Variants in CFAP20DC observed in about 807,000 individuals in gnomAD.
The protein encoded by CFAP20DC is protein CFAP20DC.
A neutral mutation model predicts 101.7 loss-of-function variants in CFAP20DC; 84 were observed. The observed-to-expected ratio is 0.83, with a 90% CI of 0.69 to 0.99. The LOEUF (loss-of-function observed/expected upper bound fraction) is 0.99. Ranked by LOEUF, CFAP20DC falls within the 50% of genes least tolerant of loss-of-function variation. The probability of loss-of-function intolerance (pLI) is 0.00; values close to 1 mark genes in which losing one functional copy is unlikely to be tolerated. For synonymous variants in CFAP20DC, 359 were observed against 351.2 expected, an observed-to-expected ratio of 1.02 and a Z score of -0.25; for missense variants, 1,007 against 970.3, an observed-to-expected ratio of 1.04 and a Z score of -0.50.
At chr3:58,905,767 T>A (rs899147393) in intron 6 of CFAP20DC, among the ~76,000 whole-genome samples, 3 of 152,302 alleles carry the variant, frequency 2.0e-5, no homozygotes, top group South Asian at 4.1e-4. Flanking sequence ...AAGCTTCCTA[T>A]GAAAAAGTTC....
intron 1 of CFAP20DC, among the ~76,000 whole-genome samples, chr3:59,048,967 C>G (rs1306045178): frequency 1.3e-5 from 2 of 152,100 alleles, no homozygotes; most frequent in African/African-American, 4.8e-5. Context: ...TCCTTGGACC[C>G]CCTGCATAGG....
chr3:58,815,945 A>T (rs1372294799), intron 14 of CFAP20DC, among the ~76,000 whole-genome samples: 1 of 151,658 alleles, frequency 6.6e-6, no homozygotes, highest in African/African-American at 2.4e-5. Flanking sequence ...TGTGGAAGTC[A>T]GTGTGGCGAC....
chr3:58,886,883 A>G (rs1304914493), intron 6 of CFAP20DC, among the ~76,000 whole-genome samples: 7 of 152,160 alleles, frequency 4.6e-5, no homozygotes, highest in African/African-American at 1.7e-4. Flanking sequence ...CTGTTTTTAG[A>G]ATGTAGTGGG....
chr3:58,826,872 G>A (rs1269557848), intron 14 of CFAP20DC, among the ~76,000 whole-genome samples: 1 of 152,136 alleles, frequency 6.6e-6, no homozygotes, highest in Non-Finnish European at 1.5e-5. Flanking sequence ...GACCCAGAGA[G>A]GGAAGCGAAT....
chr3:58,721,243 C>T lies in CFAP20DC; in HGVS notation c.198-3615G>A, dbSNP rs978024886. On this transcript the variant is annotated intron_variant, in intron 3 of 3. Transcript: ENST00000486145. This position sits in a 1 kb window ranked among gnomAD's most constrained non-coding sequence, Gnocchi z 5.2. The stretch of plus-strand genomic sequence containing the variant: ...TACTCAATCACTATATAAATATGTT[C>T]CAACACGTTTATTAAACACCTTATC... Among the ~76,000 whole-genome samples, 2 of 152,148 alleles carry T rather than the reference C, an allele frequency of 1.3e-5. No homozygotes were observed. The highest frequency in any genetic ancestry group is 2.9e-5 in the Non-Finnish European group (2 of 68,034).
chr3:58,718,474 T>C (rs2067426405), intron 3 of CFAP20DC, among the ~76,000 whole-genome samples: 1 of 152,190 alleles, frequency 6.6e-6, no homozygotes, highest in Middle Eastern at 3.2e-3. Flanking sequence ...CCAGTCTGTA[T>C]CCTCTGTCCA....
At chr3:58,931,084 G>T (rs1013139099) in intron 5 of CFAP20DC, among the ~76,000 whole-genome samples, 1 of 152,144 alleles carries the variant, frequency 6.6e-6, no homozygotes, top group African/African-American at 2.4e-5. Context: ...GCGCTTTTCC[G>T]ATGGGGCTTA....
Position 58,868,293 on chromosome 3 carries a change from C to T in CFAP20DC, c.1016-357G>A, listed in dbSNP as rs548570941. Reference sequence around the variant, plus strand: ...CTTCTTCCTTTAAAAGAGGAAGTGTCGATAACTATACTTTCAACAAGAGCA... The same window carrying T: ...CTTCTTCCTTTAAAAGAGGAAGTGTTGATAACTATACTTTCAACAAGAGCA... On this transcript the variant is annotated intron_variant, in intron 9 of 16. Transcript: ENST00000482387. This position sits in a 1 kb window ranked among gnomAD's most constrained non-coding sequence, Gnocchi z 4.6. Among the ~76,000 whole-genome samples, 2 of 152,192 alleles carry T rather than the reference C, an allele frequency of 1.3e-5. No individual in the cohort carries two copies. The highest frequency in any genetic ancestry group is 2.1e-4 in the South Asian group (1 of 4,816).
At chr3:58,769,531 T>C (rs914915706) in intron 15 of CFAP20DC, among the ~76,000 whole-genome samples, 1 of 152,084 alleles carries the variant, frequency 6.6e-6, no homozygotes, top group African/African-American at 2.4e-5. Context: ...GACATATAGA[T>C]GAGAGCAAAA....
At chr3:58,769,470 T>C (rs1443136410) in intron 15 of CFAP20DC, among the ~76,000 whole-genome samples, 1 of 152,112 alleles carries the variant, frequency 6.6e-6, no homozygotes, top group African/African-American at 2.4e-5. Flanking sequence ...GAATTCTCAA[T>C]AAATGTTTGC....
Position 58,971,243 on chromosome 3 carries a change from A to T in CFAP20DC, c.279-33481T>A, listed in dbSNP as rs1488678402. On this transcript the variant is annotated intron_variant, in intron 4 of 16. Transcript: ENST00000482387. The surrounding 1 kb of genome is among the most constrained non-coding windows in gnomAD (Gnocchi z 4.1). ...GGCACTGAAAGTACGTTTTTCACAA[A>T]TCACAAATCAGTTAAGGATTCACAA... Among the ~76,000 whole-genome samples, 2 of 152,202 alleles carry T rather than the reference A, an allele frequency of 1.3e-5. No homozygotes were observed. Among genetic ancestry groups the T allele is most frequent in the Non-Finnish European group, 2.9e-5 (2 of 68,032 alleles).
At chr3:58,806,359 T>A (rs1212664140) in intron 15 of CFAP20DC, 36 bp downstream of exon 15, 1 of 1,393,378 alleles carries the variant, frequency 7.2e-7, no homozygotes, top group Non-Finnish European at 1.0e-6. Context: ...ACTAAGTTTT[T>A]TTTTTTCTTA....
intron 4 of CFAP20DC, among the ~76,000 whole-genome samples, chr3:59,025,503 CTT>C (rs1013181208): frequency 1.3e-5 from 2 of 152,222 alleles, no homozygotes; most frequent in African/African-American, 2.4e-5. Flanking sequence ...GAATATAAAA[CTT>C]ATAAATTAAA....
intron 15 of CFAP20DC, among the ~76,000 whole-genome samples, chr3:58,763,739 T>C (rs2069930818): frequency 6.6e-6 from 1 of 152,214 alleles, no homozygotes; most frequent in African/African-American, 2.4e-5. Context: ...TTTCTGTTTG[T>C]TAGTTTTCCT....
At chr3:58,905,375 T>C (rs2083494854) in intron 6 of CFAP20DC, among the ~76,000 whole-genome samples, 2 of 152,340 alleles carry the variant, frequency 1.3e-5, no homozygotes, top group East Asian at 1.9e-4. Context: ...CAGAATGATA[T>C]GAGTTAATCA....
intron 3 of CFAP20DC, among the ~76,000 whole-genome samples, chr3:59,043,515 G>A (rs1235149963): frequency 6.6e-6 from 1 of 151,626 alleles, no homozygotes; most frequent in East Asian, 1.9e-4. Flanking sequence ...ACTAAAGTGG[G>A]GGCTTGAGGA....
intron 5 of CFAP20DC, among the ~76,000 whole-genome samples, chr3:58,933,991 T>C (rs1281532360): frequency 1.3e-5 from 2 of 152,096 alleles, no homozygotes; most frequent in African/African-American, 2.4e-5. Context: ...GAGCTGGTTT[T>C]TTGAAAGGAT....
At chr3:58,815,372 G>T (rs1407253157) in intron 14 of CFAP20DC, among the ~76,000 whole-genome samples, 7 of 147,160 alleles carry the variant, frequency 4.8e-5, no homozygotes, top group Middle Eastern at 3.4e-3. Flanking sequence ...ATGGATTAAA[G>T]ACTTAAACGT....
Position 58,884,622 on chromosome 3 carries a change from G to A in CFAP20DC, c.638C>T (p.Thr213Ile). The change falls in exon 7 of 17, where the codon ACA (threonine) becomes ATA (isoleucine). Residue 213 changes from threonine (T) to isoleucine (I), a missense_variant. Thr to Ile is a moderately conservative substitution (Grantham distance 89). Coordinates refer to ENST00000482387, the MANE Select transcript of CFAP20DC (RefSeq NM_001394063.1). ...CQLMTDVPHV[T>I]QLLNMTKLRQ... Reference sequence around the variant, plus strand: ...AAGTTTAGTCATGTTTAGCAGCTGTGTGACATGTGGAACATCTGTCATTAG... The same window carrying A: ...AAGTTTAGTCATGTTTAGCAGCTGTATGACATGTGGAACATCTGTCATTAG... The A allele has an allele frequency of 6.2e-7, 1 of 1,613,914 alleles. No individual in the cohort carries two copies. The highest frequency in any genetic ancestry group is 8.5e-7 in the Non-Finnish European group (1 of 1,179,856).
Sources: allele counts gnomAD v4.1 joint callset (sites outside exome capture counted in the v4.1 genomes callset), GRCh38; gene constraint gnomAD v4.1.1; non-coding constraint Gnocchi (gnomAD v3.1); transcripts MANE v1.5; gene names NCBI Gene and HGNC (gene_info 2026-07-23, HGNC 2026-07-21).